The following ARHGAP32 variants were observed in gnomAD, a reference collection of about 807,000 sequenced individuals.
ARHGAP32 encodes the protein rho GTPase-activating protein 32.
A neutral mutation model predicts 186.5 loss-of-function variants in ARHGAP32; 51 were observed. That is an observed-to-expected ratio of 0.27 (90% confidence interval 0.22 to 0.35). The LOEUF is 0.35. Among genes scored for constraint, ARHGAP32 ranks in the 10% least tolerant of loss-of-function variants. The probability of loss-of-function intolerance (pLI) is 1.00; values close to 1 mark genes in which losing one functional copy is unlikely to be tolerated. For synonymous variants in ARHGAP32, 950 were observed against 964.3 expected (o/e 0.99, Z 0.27); for missense variants, 2,186 against 2,623.5 (o/e 0.83, Z 3.64).
upstream of ARHGAP32, among the ~76,000 whole-genome samples, chr11:129,193,656 ACAAT>A (rs1386364503): frequency 1.5e-5 from 1 of 68,808 alleles, no homozygotes; most frequent in Non-Finnish European, 2.7e-5. Context: ...TAATACATAT[ACAAT>A]ATATATTATA....
At chr11:129,158,782 T>A (rs370237543) in intron 2 of ARHGAP32, among the ~76,000 whole-genome samples, 1 of 152,140 alleles carries the variant, frequency 6.6e-6, no homozygotes, top group Admixed American at 6.6e-5. Context: ...CCATATCGCA[T>A]GTATTCTAAA....
intron 1 of ARHGAP32, among the ~76,000 whole-genome samples, chr11:129,229,444 C>T (rs1944829716): frequency 6.6e-6 from 1 of 152,058 alleles, no homozygotes; most frequent in South Asian, 2.1e-4. Flanking sequence ...ACTTTTTCCC[C>T]TAATTAAACT....
intron 12 of ARHGAP32, among the ~76,000 whole-genome samples, chr11:128,991,159 T>A (rs914362630): frequency 2.6e-5 from 4 of 152,188 alleles, no homozygotes; most frequent in African/African-American, 9.6e-5. Flanking sequence ...TAGGAAAACA[T>A]TGAAAATATG....
At chr11:129,061,427 A>G (rs1940498291) in intron 10 of ARHGAP32, among the ~76,000 whole-genome samples, 1 of 152,208 alleles carries the variant, frequency 6.6e-6, no homozygotes, top group Non-Finnish European at 1.5e-5. Flanking sequence ...ACCCTAGGAT[A>G]CTTTTTCCTA....
At chr11:129,037,930 A>G (rs525370) in intron 11 of ARHGAP32, among the ~76,000 whole-genome samples, 133,748 of 151,534 alleles carry the variant, frequency 0.88, 59,234 homozygotes, top group African/African-American at 0.94. Flanking sequence ...ATGAAACCCC[A>G]TCTCTATCAA....
chr11:129,215,255 G>A (rs768460519), intron 1 of ARHGAP32, among the ~76,000 whole-genome samples: 1 of 152,216 alleles, frequency 6.6e-6, no homozygotes, highest in Non-Finnish European at 1.5e-5. Context: ...GGGTTTTGGT[G>A]CCTCAGTTTA....
intron 14 of ARHGAP32, 99 bp downstream of exon 14, chr11:128,986,425 A>G: frequency 1.5e-6 from 2 of 1,311,192 alleles, no homozygotes; most frequent in Non-Finnish European, 2.1e-6. Flanking sequence ...CAGTCACAGA[A>G]CTATTTCTTA....
chr11:129,161,967 T>C (rs1555105032), intron 2 of ARHGAP32, among the ~76,000 whole-genome samples: 1 of 152,042 alleles, frequency 6.6e-6, no homozygotes, highest in Non-Finnish European at 1.5e-5. Flanking sequence ...TATGCAGCCA[T>C]AAAAAAAGAT....
intron 1 of ARHGAP32, among the ~76,000 whole-genome samples, chr11:129,246,406 G>A (rs1046215190): frequency 1.4e-4 from 21 of 152,140 alleles, no homozygotes; most frequent in African/African-American, 5.1e-4. Context: ...ATAGACTTTG[G>A]GTCATCAAAT....
intron 5 of ARHGAP32, among the ~76,000 whole-genome samples, chr11:129,102,883 C>T (rs1468925178): frequency 6.6e-6 from 1 of 152,052 alleles, no homozygotes; most frequent in Admixed American, 6.6e-5. Flanking sequence ...GGTATACACC[C>T]CCCAAAGACA....
intron 12 of ARHGAP32, among the ~76,000 whole-genome samples, chr11:128,997,564 T>C (rs992064354): frequency 1.3e-5 from 2 of 152,186 alleles, no homozygotes; most frequent in Admixed American, 6.5e-5. Context: ...TTCTGGCATT[T>C]CTGAAAGAGA....
At chr11:129,143,894 G>A (rs1011948814) in intron 2 of ARHGAP32, among the ~76,000 whole-genome samples, 6 of 152,094 alleles carry the variant, frequency 3.9e-5, no homozygotes, top group African/African-American at 1.4e-4. Context: ...ATATGTACTA[G>A]AAAAACCACA....
intron 1 of ARHGAP32, among the ~76,000 whole-genome samples, chr11:129,166,145 G>A (rs954205108): frequency 6.6e-6 from 1 of 151,928 alleles, no homozygotes; most frequent in Admixed American, 6.6e-5. Context: ...TAGCTAAAGA[G>A]AGGGTTAGTG....
chr11:129,244,634 AG>A (rs1181559823), intron 1 of ARHGAP32, among the ~76,000 whole-genome samples: 91 of 152,066 alleles, frequency 6.0e-4, no homozygotes, highest in African/African-American at 2.1e-3. Flanking sequence ...GCACAGCAAA[AG>A]AAACTACCAT....
rs116150863 is a variant in ARHGAP32, at chr11:129,017,475, A to G, written c.1046-19007T>C. Among the ~76,000 whole-genome samples, 525 of 151,940 alleles carry G rather than the reference A, an allele frequency of 3.5e-3. 6 individuals are homozygous for G. The highest frequency in any genetic ancestry group is 0.012 in the African/African-American group (479 of 41,478). On this transcript the variant is annotated intron_variant, in intron 11 of 22. Transcript: ENST00000682385. ...AAAAAAAAAAAAAGAAAAAGAAAAA[A>G]AAAGTTTAAAATAATAACTACTGAA...
intron 1 of ARHGAP32, among the ~76,000 whole-genome samples, chr11:129,262,560 T>C (rs913431719): frequency 8.6e-5 from 13 of 151,876 alleles, no homozygotes; most frequent in Non-Finnish European, 1.6e-4. Context: ...ATTTTTGTAT[T>C]TTTTTTAGTA....
intron 2 of ARHGAP32, among the ~76,000 whole-genome samples, chr11:129,135,494 G>A (rs928886141): frequency 6.6e-6 from 1 of 152,204 alleles, no homozygotes; most frequent in Non-Finnish European, 1.5e-5. Context: ...CTGGCCGGGC[G>A]TGGTGGCTCA....
Position 128,978,770 on chromosome 11 carries a change from C to G in ARHGAP32, c.2122G>C (p.Gly708Arg). The change falls in exon 19 of 23, where the codon GGT (glycine) becomes CGT (arginine). Residue 708 changes from glycine (G) to arginine (R), a missense_variant and splice_region_variant. Coordinates refer to ENST00000682385, the MANE Select transcript of ARHGAP32 (RefSeq NM_001378024.1). ...PSEMKAMALKGGRAEGTLRSA... is the reference protein window; with the variant it reads ...PSEMKAMALKRGRAEGTLRSA... ...AAGTGAGAATCTCCCAGGCACTCAC[C>G]TTTCAGAGCCATGGCTTTCATCTCT... 6.2e-7 allele frequency: 1 copy of G among 1,606,328 alleles called. No homozygotes were observed. Among genetic ancestry groups the G allele is most frequent in the East Asian group, 2.2e-5 (1 of 44,630 alleles).
chr11:129,139,567 A>C (rs996206425), intron 2 of ARHGAP32, among the ~76,000 whole-genome samples: 1 of 152,102 alleles, frequency 6.6e-6, no homozygotes, highest in Non-Finnish European at 1.5e-5. Context: ...AATTAATTGA[A>C]TCATAGGGGG....
Sources: gnomAD v4.1 joint callset for allele counts (sites outside exome capture counted in the v4.1 genomes callset) on GRCh38, gnomAD v4.1.1 for gene constraint, MANE v1.5 for transcripts, NCBI Gene and HGNC (gene_info 2026-07-23, HGNC 2026-07-21) for gene names.